Variants in RASGRF2 observed in about 807,000 individuals in gnomAD.
RASGRF2 encodes ras-specific guanine nucleotide-releasing factor 2.
Under a neutral mutation model 151.0 loss-of-function variants are expected in RASGRF2, and 76 were observed. The observed-to-expected ratio is 0.50, with a 90% CI of 0.42 to 0.61. The LOEUF is 0.61. Ranked by LOEUF, RASGRF2 falls within the 20% of genes least tolerant of loss-of-function variation. The pLI, the probability that RASGRF2 is intolerant of heterozygous loss-of-function variation, is 0.00. For synonymous variants in RASGRF2, 504 were observed against 566.5 expected (o/e 0.89, Z 1.57); for missense variants, 1,148 against 1,564.6 (o/e 0.73, Z 4.49).
At chr5:80,981,840 A>G (rs969698707) in intron 1 of RASGRF2, among the ~76,000 whole-genome samples, 57 of 152,156 alleles carry the variant, frequency 3.7e-4, no homozygotes, top group Non-Finnish European at 7.8e-4. Context: ...ATTCTTTAGG[A>G]GGTGTCCCAG....
At chr5:81,080,858 C>CT (rs1752066974) in intron 7 of RASGRF2, 69 bp downstream of exon 7, 6 of 1,399,628 alleles carry the variant, frequency 4.3e-6, no homozygotes, top group African/African-American at 1.4e-5. Context: ...CTAGCGTGAC[C>CT]AGCGTGAGAT....
At position 81,225,889 on chromosome 5, in the gene RASGRF2, G is replaced by A. The variant is rs962950808; in HGVS notation, c.*119G>A. The A allele has an allele frequency of 5.6e-6, 6 of 1,065,792 alleles. No individual in the cohort carries two copies. The highest frequency in any genetic ancestry group is 5.0e-5 in the African/African-American group (3 of 59,976). 66.0% of individuals were successfully genotyped at this position (1,065,792 alleles called of 1,614,324 possible). On this transcript the variant is annotated 3_prime_UTR_variant, in exon 27 of 27. Coordinates refer to ENST00000265080, the MANE Select transcript of RASGRF2 (RefSeq NM_006909.3). ...CCAGGCTCCTTTCTCCACCAAAGAA[G>A]ATGGAACCAGACTGGAATTCTGTCT...
At chr5:81,215,333 C>T (rs1755712822) in intron 23 of RASGRF2, among the ~76,000 whole-genome samples, 1 of 147,862 alleles carries the variant, frequency 6.8e-6, no homozygotes, top group African/African-American at 2.5e-5. Context: ...TACAGTGGCG[C>T]AATCTCGGCT....
intron 26 of RASGRF2, among the ~76,000 whole-genome samples, chr5:81,225,102 T>G (rs1362607686): frequency 6.6e-6 from 1 of 152,258 alleles, no homozygotes; most frequent in Non-Finnish European, 1.5e-5. Flanking sequence ...CTTTCACTTC[T>G]GATATCTACC....
chr5:81,033,675 G>A (rs1425800068), intron 1 of RASGRF2, among the ~76,000 whole-genome samples: 4 of 151,852 alleles, frequency 2.6e-5, no homozygotes, highest in Admixed American at 6.6e-5. Flanking sequence ...TTAAATGTTA[G>A]ACCTAAAACC....
intron 17 of RASGRF2, among the ~76,000 whole-genome samples, chr5:81,152,844 C>T (rs1754168985): frequency 6.6e-6 from 1 of 152,188 alleles, no homozygotes; most frequent in South Asian, 2.1e-4. Flanking sequence ...ACCCCATCTC[C>T]TTTAGTATGG....
intron 17 of RASGRF2, among the ~76,000 whole-genome samples, chr5:81,155,354 A>C (rs1754236000): frequency 6.6e-6 from 1 of 152,152 alleles, no homozygotes; most frequent in Non-Finnish European, 1.5e-5. Context: ...TTAGAGCATA[A>C]ATCAGTGAAA....
intron 1 of RASGRF2, among the ~76,000 whole-genome samples, chr5:81,004,836 T>C (rs1749212034): frequency 6.6e-6 from 1 of 152,234 alleles, no homozygotes. Context: ...AATGATAATC[T>C]ATGTAGCTGA....
intron 1 of RASGRF2, among the ~76,000 whole-genome samples, chr5:80,980,541 C>A (rs978857463): frequency 6.6e-6 from 1 of 152,066 alleles, no homozygotes; most frequent in African/African-American, 2.4e-5. Flanking sequence ...ACTCGGGAGG[C>A]TGAAGCAAGA....
intron 19 of RASGRF2, among the ~76,000 whole-genome samples, chr5:81,201,729 G>A (rs921051364): frequency 1.3e-5 from 2 of 152,158 alleles, no homozygotes; most frequent in African/African-American, 2.4e-5. Flanking sequence ...AACCCTTGAG[G>A]AGCCTCTCCT....
intron 1 of RASGRF2, among the ~76,000 whole-genome samples, chr5:80,965,285 T>C (rs1252477593): frequency 6.6e-6 from 1 of 151,958 alleles, no homozygotes; most frequent in Non-Finnish European, 1.5e-5. Context: ...TCACGTTGTC[T>C]AATTATAACC....
chr5:81,217,574 C>CTTTT lies in RASGRF2; in HGVS notation c.3552+121_3552+124dup, dbSNP rs71603577. Reference sequence around the variant, plus strand: ...AATGTCTGCTTTTTTTTTTTCTCTTCTTTTTTTTTTTTTTTTTTTTTTTGA... The same window carrying CTTTT: ...AATGTCTGCTTTTTTTTTTTCTCTTCTTTTTTTTTTTTTTTTTTTTTTTTTTTGA... On this transcript the variant is annotated intron_variant, in intron 25 of 26. Transcript: ENST00000265080. 1,151 of 181,310 alleles carry CTTTT rather than the reference C, an allele frequency of 6.3e-3. 8 individuals are homozygous for CTTTT. The highest frequency in any genetic ancestry group is 0.014 in the African/African-American group (341 of 23,520). 11.2% of individuals were successfully genotyped at this position (181,310 alleles called of 1,614,324 possible). A position where few individuals can be genotyped will look rare whatever the true frequency, so the allele number is the denominator to read the frequency against.
intron 11 of RASGRF2, among the ~76,000 whole-genome samples, 185 bp downstream of exon 11, chr5:81,094,547 CAGAT>C (rs1752489100): frequency 6.6e-6 from 1 of 152,076 alleles, no homozygotes; most frequent in Non-Finnish European, 1.5e-5. Flanking sequence ...TATTCAGTGG[CAGAT>C]AGAGAAGAAG....
At chr5:81,137,818 T>C (rs553575504) in intron 17 of RASGRF2, among the ~76,000 whole-genome samples, 2 of 152,370 alleles carry the variant, frequency 1.3e-5, no homozygotes, top group South Asian at 2.1e-4. Context: ...TATTTTATTA[T>C]GGCAGCCTGA....
chr5:81,138,612 A>G (rs1753811722), intron 17 of RASGRF2, among the ~76,000 whole-genome samples: 1 of 152,110 alleles, frequency 6.6e-6, no homozygotes, highest in South Asian at 2.1e-4. Flanking sequence ...CCGCCCTCCT[A>G]AGAATGTGGT....
At chr5:81,101,991 C>G (rs918054055) in intron 12 of RASGRF2, among the ~76,000 whole-genome samples, 1 of 152,142 alleles carries the variant, frequency 6.6e-6, no homozygotes, top group Admixed American at 6.5e-5. Context: ...GAGGACTGAG[C>G]TGATTTAGGT....
chr5:81,151,212 C>G (rs1274302659), intron 17 of RASGRF2, among the ~76,000 whole-genome samples: 1 of 152,106 alleles, frequency 6.6e-6, no homozygotes, highest in East Asian at 1.9e-4. Flanking sequence ...GCTTGTCCAG[C>G]CCTCTGGCCT....
At chr5:81,027,986 G>C (rs1044446462) in intron 1 of RASGRF2, among the ~76,000 whole-genome samples, 4 of 152,280 alleles carry the variant, frequency 2.6e-5, no homozygotes, top group African/African-American at 9.6e-5. Flanking sequence ...CCTGTGTGGA[G>C]AGGCTCAATG....
chr5:80,967,062 GA>G (rs1410268870), intron 1 of RASGRF2, among the ~76,000 whole-genome samples: 1 of 152,158 alleles, frequency 6.6e-6, no homozygotes, highest in Non-Finnish European at 1.5e-5. Flanking sequence ...AGAAGATAAA[GA>G]TAAAATGATG....
Sources: gnomAD v4.1 joint callset for allele counts (sites outside exome capture counted in the v4.1 genomes callset) on GRCh38, gnomAD v4.1.1 for gene constraint, MANE v1.5 for transcripts, NCBI Gene and HGNC (gene_info 2026-07-23, HGNC 2026-07-21) for gene names.